The following LAMA2 variants were observed in gnomAD, a reference collection of about 807,000 sequenced individuals.
LAMA2 encodes laminin subunit alpha-2.
LAMA2 carries 269 observed loss-of-function variants against 364.8 expected under a neutral mutation model. The observed-to-expected ratio is 0.74, with a 90% CI of 0.67 to 0.82. LAMA2 has a LOEUF of 0.82. LAMA2 is among the 40% of genes least tolerant of loss of function. LAMA2 has a pLI of 0.00. For synonymous variants in LAMA2, 1,379 were observed against 1,370.6 expected (o/e 1.01, Z -0.14); for missense variants, 3,807 against 3,873.2 (o/e 0.98, Z 0.45).
chr6:128,956,701 T>C (rs934323947), intron 1 of LAMA2, among the ~76,000 whole-genome samples: 1 of 152,142 alleles, frequency 6.6e-6, no homozygotes, highest in African/African-American at 2.4e-5. Context: ...GTCAAGACAC[T>C]GCAGTCTGTT....
At chr6:129,139,832 C>G (rs1336667350) in intron 4 of LAMA2, among the ~76,000 whole-genome samples, 1 of 152,084 alleles carries the variant, frequency 6.6e-6, no homozygotes, top group African/African-American at 2.4e-5. Context: ...TGTTCTGTCT[C>G]CTGGTGTCAG....
At chr6:128,949,526 G>C (rs1335035521) in intron 1 of LAMA2, among the ~76,000 whole-genome samples, 5 of 152,008 alleles carry the variant, frequency 3.3e-5, no homozygotes, top group Non-Finnish European at 7.4e-5. Context: ...AAGGATAGGG[G>C]AAAATAGAGA....
chr6:128,883,434 TTGCTGTCTGTGGAC>T, intron 1 of LAMA2, 77 bp downstream of exon 1: 1 of 1,541,012 alleles, frequency 6.5e-7, no homozygotes, highest in Non-Finnish European at 8.7e-7. Context: ...CTTCCGAGAG[TTGCTGTCTGTGGAC>T]TGCCGTCTTG....
At chr6:129,173,284 C>T (rs1780340995) in intron 9 of LAMA2, among the ~76,000 whole-genome samples, 1 of 152,218 alleles carries the variant, frequency 6.6e-6, no homozygotes, top group Non-Finnish European at 1.5e-5. Context: ...TGCCTATTGA[C>T]TCTCCGTCTT....
At chr6:129,251,548 G>A (rs1298128559) in intron 13 of LAMA2, among the ~76,000 whole-genome samples, 1 of 152,118 alleles carries the variant, frequency 6.6e-6, no homozygotes, top group East Asian at 1.9e-4. Flanking sequence ...TAATGCATTT[G>A]GCTAAGGCTA....
intron 2 of LAMA2, among the ~76,000 whole-genome samples, chr6:129,058,154 C>T (rs2114792232): frequency 6.6e-6 from 1 of 152,284 alleles, no homozygotes; most frequent in East Asian, 1.9e-4. Context: ...CATCCTCACC[C>T]ATGCATGAGC....
intron 12 of LAMA2, among the ~76,000 whole-genome samples, chr6:129,230,126 A>G (rs1459480477): frequency 6.6e-6 from 1 of 152,160 alleles, no homozygotes; most frequent in East Asian, 1.9e-4. Flanking sequence ...GCACCCCAAC[A>G]TTTAGAGGTT....
chr6:129,217,610 A>ACT (rs1392720083), intron 12 of LAMA2, among the ~76,000 whole-genome samples: 9 of 152,268 alleles, frequency 5.9e-5, no homozygotes, highest in Admixed American at 2.0e-4. Flanking sequence ...CTTTTGGAAT[A>ACT]CTCTGTTCCT....
intron 12 of LAMA2, among the ~76,000 whole-genome samples, chr6:129,232,127 G>A (rs181949814): frequency 1.7e-3 from 262 of 152,124 alleles, no homozygotes; most frequent in Non-Finnish European, 3.3e-3. Flanking sequence ...TTCTTGTTTG[G>A]CAGAATATTA....
At chr6:129,450,026 A>AATCT (rs959810414) in intron 45 of LAMA2, among the ~76,000 whole-genome samples, 8 of 151,494 alleles carry the variant, frequency 5.3e-5, no homozygotes, top group African/African-American at 1.9e-4. Flanking sequence ...GGATTGTCTC[A>AATCT]ATCTCTTGAC....
intron 1 of LAMA2, among the ~76,000 whole-genome samples, chr6:129,008,507 A>G (rs1296262632): frequency 6.6e-6 from 1 of 152,182 alleles, no homozygotes; most frequent in African/African-American, 2.4e-5. Flanking sequence ...TTATTTTACT[A>G]GTGAGAGACT....
At chr6:129,055,176 T>TTTATTATTATTATTTATTA (rs1554207590) in intron 2 of LAMA2, among the ~76,000 whole-genome samples, 17 of 123,756 alleles carry the variant, frequency 1.4e-4, no homozygotes, top group African/African-American at 5.6e-4. Context: ...ATTATTATTA[T>TTTATTATTATTATTTATTA]TTATTATTAT....
chr6:128,883,452 C>T, intron 1 of LAMA2, 95 bp downstream of exon 1: 1 of 1,531,188 alleles, frequency 6.5e-7, no homozygotes, highest in Non-Finnish European at 8.8e-7. Context: ...TGTGGACTGC[C>T]GTCTTGCTTC....
At chr6:129,088,522 G>T (rs1325568082) in intron 3 of LAMA2, among the ~76,000 whole-genome samples, 10 of 150,812 alleles carry the variant, frequency 6.6e-5, no homozygotes, top group Admixed American at 6.6e-4. Context: ...GGCCAGGCGG[G>T]GGCTGCCCCC....
rs74961762 is a variant in LAMA2, at chr6:129,067,553, A to G, written c.396+7657A>G. 2.7e-3 allele frequency among the ~76,000 whole-genome samples: 404 copies of G among 152,312 alleles called. 11 individuals are homozygous for G. The East Asian group carries it at 0.067, about 25-fold the overall frequency. ...TAGTACAGATCACATAACACTTTCC[A>G]CTAAAAGTGGAAATCTTATTAGTAC... is the stretch of plus-strand genomic sequence containing the variant. On this transcript the variant is annotated intron_variant, in intron 3 of 64. Coordinates refer to ENST00000421865, the MANE Select transcript of LAMA2 (RefSeq NM_000426.4).
chr6:129,388,851 G>A (rs1465854014), intron 35 of LAMA2, among the ~76,000 whole-genome samples: 1 of 152,118 alleles, frequency 6.6e-6, no homozygotes, highest in African/African-American at 2.4e-5. Context: ...TATACAGATA[G>A]CATGCACTCA....
chr6:129,374,745 T>TC (rs1491346224), intron 34 of LAMA2, among the ~76,000 whole-genome samples: 1 of 45,628 alleles, frequency 2.2e-5, no homozygotes, highest in Admixed American at 2.0e-4. Context: ...GCCCAGCTAA[T>TC]TTTTTTTTTT....
chr6:129,491,217 T>C (rs1362061666), intron 56 of LAMA2: 1 of 152,388 alleles, frequency 6.6e-6, no homozygotes, highest in Non-Finnish European at 1.5e-5. Context: ...GTCATTTTCA[T>C]CAGAACTCTT....
At position 129,315,801 on chromosome 6, in the gene LAMA2, T is replaced by G; in HGVS notation, c.3775T>G (p.Phe1259Val). ...YGGKLKYAIY[F>V]EAREETGFST... is the part of the protein sequence containing the mutation. ...GGGCAAACTCAAGTATGCAATCTAT[T>G]TCGAGGCTCGGGAAGAAACAGGTTT... Residue 1259 changes from phenylalanine to valine, a missense_variant, in exon 26 of 65, where the codon TTC becomes GTC. Phe to Val is a conservative substitution (Grantham distance 50). Around this residue, in one of 3 missense-constraint regions of LAMA2, gnomAD observed 3,333 missense variants for 3,345.7 expected, o/e 1.00. Transcript: ENST00000421865. 6.2e-7 allele frequency: 1 copy of G among 1,614,144 alleles called. No homozygotes were observed. Among genetic ancestry groups the G allele is most frequent in the East Asian group, 2.2e-5 (1 of 44,880 alleles).
Sources: allele counts gnomAD v4.1 joint callset (sites outside exome capture counted in the v4.1 genomes callset), GRCh38; gene constraint gnomAD v4.1.1; regional missense constraint gnomAD v4.1.1; transcripts MANE v1.5; gene names NCBI Gene and HGNC (gene_info 2026-07-23, HGNC 2026-07-21).